The following ELAVL2 variants were observed in gnomAD, a reference collection of about 807,000 sequenced individuals.
ELAVL2 encodes the protein ELAV-like protein 2.
Under a neutral mutation model 34.6 loss-of-function variants are expected in ELAVL2, and 4 were observed. The ratio of observed to expected loss-of-function variants is 0.12; its 90% CI spans 0.06 to 0.26. The LOEUF is 0.26. Among genes scored for constraint, ELAVL2 ranks in the 10% least tolerant of loss-of-function variants. The pLI is 1.00. For synonymous variants in ELAVL2, 193 were observed against 154.8 expected, an observed-to-expected ratio of 1.25 and a Z score of -1.83; for missense variants, 432 against 442.8, an observed-to-expected ratio of 0.98 and a Z score of 0.22.
At chr9:23,837,432 G>A in the ELAVL2 span, among the ~76,000 whole-genome samples, 1 of 152,138 alleles carries the variant, frequency 6.6e-6, no homozygotes, top group Non-Finnish European at 1.5e-5. Flanking sequence ...TGATTCCCAG[G>A]AGAAGACTAG....
chr9:23,790,264 G>C (rs1048650544), intron 1 of ELAVL2, among the ~76,000 whole-genome samples: 2 of 152,110 alleles, frequency 1.3e-5, no homozygotes, highest in African/African-American at 4.8e-5. Flanking sequence ...GAAAAAAAGA[G>C]AGGGAATACA....
intron 2 of ELAVL2, among the ~76,000 whole-genome samples, chr9:23,734,552 A>G (rs1415326794): frequency 6.6e-6 from 1 of 152,182 alleles, no homozygotes; most frequent in Non-Finnish European, 1.5e-5. Flanking sequence ...TATTGCGTAT[A>G]AGCCCAGGAC....
intron 1 of ELAVL2, among the ~76,000 whole-genome samples, chr9:23,767,511 C>T (rs74667729): frequency 0.079 from 12,035 of 152,182 alleles, 552 homozygotes; most frequent in Middle Eastern, 0.18. Context: ...CCAGACTCGG[C>T]GGCTCACGTC....
intron 3 of ELAVL2, among the ~76,000 whole-genome samples, chr9:23,730,170 A>C (rs1034239309): frequency 3.9e-5 from 6 of 152,140 alleles, no homozygotes; most frequent in African/African-American, 1.4e-4. Context: ...CTAACTAAGA[A>C]TTTGCTAGAG....
At chr9:23,756,493 GAAGA>G (rs998959854) in intron 2 of ELAVL2, among the ~76,000 whole-genome samples, 2 of 152,128 alleles carry the variant, frequency 1.3e-5, no homozygotes, top group Admixed American at 6.6e-5. Flanking sequence ...CATTCTTTTA[GAAGA>G]AAGGAAAAAT....
intron 2 of ELAVL2, chr9:23,735,125 A>G (rs1587887808): frequency 6.7e-6 from 1 of 148,230 alleles, no homozygotes; most frequent in Admixed American, 6.8e-5. Context: ...AAAAAAAAAA[A>G]AAGCCCTTAA....
intron 2 of ELAVL2, among the ~76,000 whole-genome samples, chr9:23,739,550 C>G (rs981225764): frequency 1.3e-5 from 2 of 152,062 alleles, no homozygotes; most frequent in Non-Finnish European, 2.9e-5. Context: ...CCCCTACCCC[C>G]ACCCCCACAC....
intron 1 of ELAVL2, among the ~76,000 whole-genome samples, chr9:23,810,699 T>C (rs1009041132): frequency 6.6e-6 from 1 of 152,190 alleles, no homozygotes; most frequent in African/African-American, 2.4e-5. Context: ...GACCTGATCC[T>C]ACTTCCCCAC....
chr9:23,696,296 C>G (rs1009020540), intron 5 of ELAVL2, among the ~76,000 whole-genome samples: 2 of 152,036 alleles, frequency 1.3e-5, no homozygotes, highest in African/African-American at 4.8e-5. Flanking sequence ...TCAGAAAAGG[C>G]AACGGGTGCT....
Position 23,809,568 on chromosome 9 carries a change from A to G in ELAVL2, c.-16+16238T>C, listed in dbSNP as rs528574531. On this transcript the variant is annotated intron_variant, in intron 1 of 6. Transcript: ENST00000397312. ...ATTCTAGTAAGATTACCTATCATTC[A>G]TGATTTACTTACATATGCAAATAAT... 2.2e-4 allele frequency among the ~76,000 whole-genome samples: 34 copies of G among 152,308 alleles called. 1 individual carries two copies. The South Asian group carries it at 6.6e-3, about 30-fold the overall frequency.
the ELAVL2 span, among the ~76,000 whole-genome samples, chr9:23,850,502 T>G: frequency 6.6e-6 from 1 of 152,008 alleles, no homozygotes; most frequent in African/African-American, 2.4e-5. Flanking sequence ...TCTTTCGAGC[T>G]GCACAATAGC....
chr9:23,739,378 A>C (rs760567382), intron 2 of ELAVL2, among the ~76,000 whole-genome samples: 2 of 152,170 alleles, frequency 1.3e-5, no homozygotes, highest in Non-Finnish European at 2.9e-5. Context: ...AAATGCCAAA[A>C]TACCTTCAGA....
At chr9:23,817,623 G>C (rs929664134) in intron 1 of ELAVL2, among the ~76,000 whole-genome samples, 2 of 152,094 alleles carry the variant, frequency 1.3e-5, no homozygotes, top group Admixed American at 6.5e-5. Context: ...TCACACAAGA[G>C]TTACCTTTTG....
At chr9:23,801,794 A>T (rs80070321) in intron 1 of ELAVL2, among the ~76,000 whole-genome samples, 1 of 152,240 alleles carries the variant, frequency 6.6e-6, no homozygotes, top group Non-Finnish European at 1.5e-5. Context: ...ACAGAAAAAT[A>T]AATGGGCACC....
At chr9:23,730,110 T>C (rs1372128409) in intron 3 of ELAVL2, among the ~76,000 whole-genome samples, 1 of 152,126 alleles carries the variant, frequency 6.6e-6, no homozygotes, top group African/African-American at 2.4e-5. Context: ...AGTGCCATGA[T>C]TGACTGGCAA....
intron 5 of ELAVL2, among the ~76,000 whole-genome samples, chr9:23,697,830 T>C (rs1490562887): frequency 6.6e-6 from 1 of 152,108 alleles, no homozygotes; most frequent in Non-Finnish European, 1.5e-5. Context: ...AAGTTATTGA[T>C]GGGTAAGAAA....
chr9:23,787,637 G>C (rs983199243), intron 1 of ELAVL2, among the ~76,000 whole-genome samples: 2 of 151,328 alleles, frequency 1.3e-5, no homozygotes, highest in Non-Finnish European at 2.9e-5. Context: ...ACAAACTCCA[G>C]AGCCCATGCT....
At chr9:23,764,649 T>C (rs1355598432) in intron 1 of ELAVL2, among the ~76,000 whole-genome samples, 1 of 152,118 alleles carries the variant, frequency 6.6e-6, no homozygotes, top group African/African-American at 2.4e-5. Flanking sequence ...CTTCAAAATT[T>C]AGTAACCAAA....
intron 2 of ELAVL2, among the ~76,000 whole-genome samples, chr9:23,756,517 A>G (rs2053592358): frequency 6.6e-6 from 1 of 152,110 alleles, no homozygotes; most frequent in Non-Finnish European, 1.5e-5. Context: ...TAACAGTGAA[A>G]GAACAATCTA....
Sources: gnomAD v4.1 joint callset for allele counts (sites outside exome capture counted in the v4.1 genomes callset) on GRCh38, gnomAD v4.1.1 for gene constraint, MANE v1.5 for transcripts, NCBI Gene and HGNC (gene_info 2026-07-23, HGNC 2026-07-21) for gene names.